The following EP400 variants were observed in gnomAD, a reference collection of about 807,000 sequenced individuals.
EP400 encodes the protein E1A-binding protein p400.
Under a neutral mutation model 354.1 loss-of-function variants are expected in EP400, and 105 were observed. The observed-to-expected ratio is 0.30, with a 90% CI of 0.25 to 0.35. The LOEUF is 0.35. EP400 is among the 10% of genes least tolerant of loss of function. The pLI is 1.00. For synonymous variants in EP400, 1,646 were observed against 1,716.9 expected (o/e 0.96, Z 1.02); for missense variants, 3,280 against 4,121.0 (o/e 0.80, Z 5.59).
intron 32 of EP400, among the ~76,000 whole-genome samples, chr12:132,040,405 G>A (rs1048819913): frequency 1.5e-4 from 23 of 152,198 alleles, no homozygotes; most frequent in African/African-American, 5.3e-4. Context: ...TAGGAGAGGC[G>A]TCTGTACCCT....
At chr12:132,044,377 T>C in intron 35 of EP400, 66 bp downstream of exon 35, 2 of 1,559,516 alleles carry the variant, frequency 1.3e-6, no homozygotes, top group Non-Finnish European at 1.7e-6. Context: ...CAGCCATGTT[T>C]GGCTTGTTCA....
rs777368516 is a variant in EP400 at position 131,990,596 on chromosome 12, C to A, written c.2551-40C>A. On this transcript the variant is annotated intron_variant, in intron 8 of 52. Transcript: ENST00000389561. This position sits in a 1 kb window ranked among gnomAD's most constrained non-coding sequence, Gnocchi z 4.2. The stretch of plus-strand genomic sequence containing the variant: ...TATGCAGAACGTCTGTAATTCCCAT[C>A]CTTAGTAATGTGCTTATTCATTTAA... 6.9e-7 allele frequency: 1 copy of A among 1,446,028 alleles called. No individual in the cohort carries two copies. The highest frequency in any genetic ancestry group is 9.6e-7 in the Non-Finnish European group (1 of 1,039,484). 89.6% of individuals were successfully genotyped at this position (1,446,028 alleles called of 1,614,324 possible).
chr12:132,042,848 G>C (rs1225237664), intron 32 of EP400, among the ~76,000 whole-genome samples: 1 of 152,206 alleles, frequency 6.6e-6, no homozygotes, highest in Non-Finnish European at 1.5e-5. Flanking sequence ...CGGTGGACTT[G>C]CTCCGGCTGC....
At chr12:131,965,040 A>G (rs1422477145) in intron 2 of EP400, among the ~76,000 whole-genome samples, 16 of 152,226 alleles carry the variant, frequency 1.1e-4, no homozygotes, top group Non-Finnish European at 1.5e-4. Context: ...TATTTTGTAC[A>G]GTGTCCTTTG....
chr12:131,952,050 G>GC (rs1377539912), intron 1 of EP400, among the ~76,000 whole-genome samples: 2 of 151,536 alleles, frequency 1.3e-5, no homozygotes, highest in Admixed American at 1.3e-4. Context: ...CCTCCCCTTT[G>GC]CTGGGATTAC....
rs1459885809 is a variant in EP400, at chr12:132,018,079, T to A, written c.4111-131T>A. 4 of 1,120,488 alleles carry A rather than the reference T, an allele frequency of 3.6e-6. No homozygotes were observed. The highest frequency in any genetic ancestry group is 5.1e-6 in the Non-Finnish European group (4 of 781,018). 69.4% of individuals were successfully genotyped at this position (1,120,488 alleles called of 1,614,324 possible). ...TGTATTGGCACGGAGGAGGGTCTGCTTGCCGAGTGGCCGTTAGAGGGGGCG... is the reference window on the plus strand; with the variant it reads ...TGTATTGGCACGGAGGAGGGTCTGCATGCCGAGTGGCCGTTAGAGGGGGCG... On this transcript the variant is annotated intron_variant, in intron 20 of 52. Coordinates refer to ENST00000389561, the MANE Select transcript of EP400 (RefSeq NM_015409.5). This position sits in a 1 kb window ranked among gnomAD's most constrained non-coding sequence, Gnocchi z 4.0.
chr12:132,031,449 C>T (rs1310444510), intron 29 of EP400: 4 of 500,386 alleles, frequency 8.0e-6, no homozygotes, highest in Admixed American at 2.0e-5. Context: ...GATGGGTGAG[C>T]GTAAGATGAT....
At chr12:131,997,687 A>G (rs1893262675) in intron 12 of EP400, among the ~76,000 whole-genome samples, 2 of 150,978 alleles carry the variant, frequency 1.3e-5, no homozygotes, top group African/African-American at 2.4e-5. Context: ...GAAGCGAATA[A>G]TTATAAAGGT....
At position 131,955,369 on chromosome 12, in the gene EP400, G is replaced by A. The variant is rs552333196; in HGVS notation, c.-35-5216G>A. 1.3e-4 allele frequency among the ~76,000 whole-genome samples: 19 copies of A among 150,520 alleles called. 1 individual carries two copies. In the South Asian group the frequency reaches 3.8e-3, roughly 30 times the overall value. ...GTGATCTTGGCTTACTGCAACCTCC[G>A]CCTCCTGGGTTCAAGCAATTCTCTT... On this transcript the variant is annotated intron_variant, in intron 1 of 52. Transcript: ENST00000389561.
At chr12:131,961,995 G>C in intron 2 of EP400, 41 bp downstream of exon 2, 1 of 1,566,766 alleles carries the variant, frequency 6.4e-7, no homozygotes, top group Non-Finnish European at 8.6e-7. Context: ...AAATCTTCTA[G>C]ATGATCAGAG....
rs768680596 is a variant in EP400 at position 132,062,599 on chromosome 12, G to T, written c.8232G>T (p.Gln2744His). ...AGCAGCAGCAGCAGCAGCAACAGCA[G>T]CAGCAGCAACAGACGACGACGACCT... is the stretch of plus-strand genomic sequence containing the variant. ...QQQQQQQQQQ[Q>H]QQQQTTTTSQ... The change falls in exon 47 of 53, where the codon CAG becomes CAT. Residue 2744 changes from glutamine to histidine, a missense_variant. By Grantham distance (24) the Gln-to-His change is conservative. Transcript: ENST00000389561. 5.6e-6 allele frequency: 9 copies of T among 1,604,622 alleles called. No individual in the cohort carries two copies. The South Asian group carries it at 8.8e-5, about 16-fold the overall frequency.
Position 132,053,564 on chromosome 12 carries a change from C to A in EP400, c.7695C>A (p.Pro2565=). ...QPVQAPAKAQ[P]AITTGGSAAV... is the part of the protein sequence containing the mutation. The stretch of plus-strand genomic sequence containing the variant: ...TGCAGGCCCCAGCGAAGGCGCAGCC[C>A]GCAATCACGACGGGGGGCAGTGCAG... Residue 2565 remains proline, a synonymous_variant, in exon 43 of 53, where the codon CCC becomes CCA. Coordinates refer to ENST00000389561, the MANE Select transcript of EP400 (RefSeq NM_015409.5). 6.4e-7 allele frequency: 1 copy of A among 1,564,474 alleles called. No homozygotes were observed. Among genetic ancestry groups the A allele is most frequent in the East Asian group, 2.3e-5 (1 of 43,092 alleles).
intron 2 of EP400, 137 bp downstream of exon 2, chr12:131,962,091 C>T (rs753199568): frequency 2.5e-6 from 3 of 1,204,224 alleles, no homozygotes; most frequent in Non-Finnish European, 2.3e-6. Context: ...AGGATTTGAC[C>T]CATAAGTAAA....
intron 50 of EP400, chr12:132,069,233 T>C (rs1219424206): frequency 6.8e-6 from 3 of 443,886 alleles, no homozygotes; most frequent in Non-Finnish European, 1.2e-5. Context: ...CAGGGAGCAG[T>C]GTCCCGGGTG....
At chr12:132,003,924 T>G (rs1445723430) in intron 12 of EP400, among the ~76,000 whole-genome samples, 2 of 152,232 alleles carry the variant, frequency 1.3e-5, no homozygotes, top group African/African-American at 4.8e-5. Context: ...TCCATGGCAT[T>G]TGTTGTTTTG....
chr12:131,960,742 C>G lies in EP400; in HGVS notation c.123C>G (p.Pro41=). The G allele has an allele frequency of 6.2e-7, 1 of 1,611,102 alleles. No homozygotes were observed. ...ACCCACCCCCGTCCCCCGCAGCTCC[C>G]TTCGCTCCCTCAGCAAGCCCGTCGG... The part of the protein sequence containing the change: ...HPNPPPSPAA[P]FAPSASPSAP... Residue 41 remains proline (P), a synonymous_variant, in exon 2 of 53, where the codon CCC becomes CCG. Transcript: ENST00000389561.
At chr12:132,049,969 A>G (rs1390993774) in intron 39 of EP400, among the ~76,000 whole-genome samples, 1 of 152,188 alleles carries the variant, frequency 6.6e-6, no homozygotes, top group Non-Finnish European at 1.5e-5. Context: ...CCTTGGTGTT[A>G]GCGGGTGAAG....
Position 132,045,550 on chromosome 12 carries a change from C to A in EP400, c.7016C>A (p.Ala2339Glu). 1 of 1,614,010 alleles carries A rather than the reference C, an allele frequency of 6.2e-7. No individual in the cohort carries two copies. Among genetic ancestry groups the A allele is most frequent in the Non-Finnish European group, 8.5e-7 (1 of 1,179,942 alleles). ...GAGTGGCTCATCAGTGAGGACTGGGCGCTGCTGCAGGTAGGTGGGCGTGGT... is the reference window on the plus strand; with the variant it reads ...GAGTGGCTCATCAGTGAGGACTGGGAGCTGCTGCAGGTAGGTGGGCGTGGT... ...NPEWLISEDW[A>E]LLQAVKQLLE... is the part of the protein sequence containing the mutation. Residue 2339 changes from alanine to glutamate, a missense_variant, in exon 38 of 53, where the codon GCG becomes GAG. Physicochemically the swap from Ala to Glu is moderately radical, Grantham distance 107. Transcript: ENST00000389561.
intron 12 of EP400, among the ~76,000 whole-genome samples, chr12:132,003,193 A>T (rs901851955): frequency 4.6e-5 from 6 of 129,648 alleles, no homozygotes; most frequent in Non-Finnish European, 8.6e-5. Context: ...AAGAAATATT[A>T]AAAAAAAAAA....
Sources: gnomAD v4.1 joint callset for allele counts (sites outside exome capture counted in the v4.1 genomes callset) on GRCh38, gnomAD v4.1.1 for gene constraint, Gnocchi (gnomAD v3.1) non-coding constraint, MANE v1.5 for transcripts, NCBI Gene and HGNC (gene_info 2026-07-23, HGNC 2026-07-21) for gene names.